The following ANKRD31 variants were observed in gnomAD, a reference collection of about 807,000 sequenced individuals.
The protein encoded by ANKRD31 is ankyrin repeat domain-containing protein 31.
ANKRD31 carries 147 observed loss-of-function variants against 186.0 expected under a neutral mutation model. The observed-to-expected ratio is 0.79, with a 90% confidence interval of 0.69 to 0.91. The LOEUF (loss-of-function observed/expected upper bound fraction) is 0.91, where lower values mean the gene tolerates loss of function less well. Among genes scored for constraint, ANKRD31 ranks in the 40% least tolerant of loss-of-function variants. The pLI is 0.00. For synonymous variants in ANKRD31, 673 were observed against 736.4 expected, an observed-to-expected ratio of 0.91 and a Z score of 1.39; for missense variants, 1,986 against 2,148.8, an observed-to-expected ratio of 0.92 and a Z score of 1.50.
At position 75,138,856 on chromosome 5, in the gene ANKRD31, A is replaced by G. The variant is rs1580413673; in HGVS notation, c.3723T>C (p.Asn1241=). The G allele has an allele frequency of 2.6e-6, 4 of 1,536,032 alleles. No homozygotes were observed. Among genetic ancestry groups the G allele is most frequent in the Non-Finnish European group, 3.5e-6 (4 of 1,146,340 alleles). The change falls in exon 16 of 26, where the codon AAT becomes AAC. Residue 1241 remains asparagine (N), a synonymous_variant. Transcript: ENST00000506364. ...LIESGADVNL[N]DNAGWTPLHE... is the part of the protein sequence containing the mutation. Reference sequence around the variant, plus strand: ...TAAAAGGATCCAAACCTGCATTATCATTTAGATTCACATCTGCTCCAGATT... The same window carrying G: ...TAAAAGGATCCAAACCTGCATTATCGTTTAGATTCACATCTGCTCCAGATT...
intron 9 of ANKRD31, among the ~76,000 whole-genome samples, chr5:75,191,683 A>G (rs1317929947): frequency 2.0e-5 from 3 of 152,100 alleles, no homozygotes; most frequent in African/African-American, 7.2e-5. Context: ...GTCAAGAACA[A>G]GGTTCTTCTT....
At chr5:75,201,623 A>C (rs1307922202) in intron 5 of ANKRD31, among the ~76,000 whole-genome samples, 1 of 152,166 alleles carries the variant, frequency 6.6e-6, no homozygotes, top group Non-Finnish European at 1.5e-5. Context: ...CTTCAAAACT[A>C]TAAAGCAAAA....
rs576559799 is a variant in ANKRD31, at chr5:75,164,884, T to C, written c.1707+4095A>G. Among the ~76,000 whole-genome samples the C allele has an allele frequency of 2.6e-5, 4 of 152,372 alleles. No individual in the cohort carries two copies. In the East Asian group the frequency reaches 7.7e-4, roughly 29 times the overall value. ...TTGTATATGGCTTGTATATGAATTA[T>C]AGATTTAATCGTATCTACCATTGCT... is the stretch of plus-strand genomic sequence containing the variant. On this transcript the variant is annotated intron_variant, in intron 11 of 25. Coordinates refer to ENST00000506364, the MANE Select transcript of ANKRD31 (RefSeq NM_001372053.1).
At chr5:75,204,984 C>T (rs899951832) in intron 5 of ANKRD31, among the ~76,000 whole-genome samples, 3 of 152,174 alleles carry the variant, frequency 2.0e-5, no homozygotes, top group Non-Finnish European at 4.4e-5. Flanking sequence ...GCTGTCCTCC[C>T]GCCTCAGCGC....
chr5:75,134,592 G>A (rs976652395), intron 17 of ANKRD31, among the ~76,000 whole-genome samples: 1 of 152,160 alleles, frequency 6.6e-6, no homozygotes, highest in Non-Finnish European at 1.5e-5. Context: ...GGTACGAAGA[G>A]GAGCTGGTAC....
Position 75,146,177 on chromosome 5 carries a change from AT to A in ANKRD31, c.3233del (p.Asn1078MetfsTer6). ...IDRDQKIIYS[N>X]EPLSIVAHSQ... ...AATGAGCAACTATGGATAAAGGCTC[AT>A]TTGAATAAATTATTTTTTGGTCTCT... On this transcript the variant is annotated frameshift_variant, in exon 14 of 26. Coordinates refer to ENST00000506364, the MANE Select transcript of ANKRD31 (RefSeq NM_001372053.1). LOFTEE classifies it high-confidence loss of function. The A allele has an allele frequency of 1.3e-6, 2 of 1,535,716 alleles. No homozygotes were observed. Among genetic ancestry groups the A allele is most frequent in the South Asian group, 2.4e-5 (2 of 83,930 alleles).
At chr5:75,074,644 A>G (rs1561392374) in intron 25 of ANKRD31, among the ~76,000 whole-genome samples, 2 of 152,130 alleles carry the variant, frequency 1.3e-5, no homozygotes, top group African/African-American at 4.8e-5. Flanking sequence ...CTGGTTGACA[A>G]AATAATCTGT....
At chr5:75,130,940 G>A (rs1194207657) in intron 17 of ANKRD31, among the ~76,000 whole-genome samples, 1 of 152,216 alleles carries the variant, frequency 6.6e-6, no homozygotes, top group East Asian at 1.9e-4. Flanking sequence ...ACAACCAAGA[G>A]GAAAAGAGGG....
chr5:75,086,550 G>A (rs1050185909), intron 23 of ANKRD31, among the ~76,000 whole-genome samples: 4 of 152,170 alleles, frequency 2.6e-5, no homozygotes, highest in African/African-American at 9.7e-5. Context: ...AAGTTCTCAG[G>A]CTTTTGGACA....
At position 75,105,182 on chromosome 5, in the gene ANKRD31, T is replaced by A; in HGVS notation, c.4377A>T (p.Arg1459Ser). The change falls in exon 22 of 26, where the codon AGA (arginine) becomes AGT (serine). Residue 1459 changes from arginine (R) to serine (S), a missense_variant. Physicochemically the swap from Arg to Ser is moderately radical, Grantham distance 110. Coordinates refer to ENST00000506364, the MANE Select transcript of ANKRD31 (RefSeq NM_001372053.1). ...TTGCAGCCAAGTTGGCCAATTGTTCTCTCAGGGCTCCATGCTTAAATGACT... is the reference window on the plus strand; with the variant it reads ...TTGCAGCCAAGTTGGCCAATTGTTCACTCAGGGCTCCATGCTTAAATGACT... ...SIESFKHGAL[R>S]EQLANLAARQ... 6.5e-7 allele frequency: 1 copy of A among 1,533,112 alleles called. No homozygotes were observed. The highest frequency in any genetic ancestry group is 8.7e-7 in the Non-Finnish European group (1 of 1,145,542). The allele number at this position is 1,533,112 out of a possible 1,614,324, so 95.0% of individuals were successfully genotyped here.
chr5:75,169,722 G>A (rs911676271), intron 10 of ANKRD31, among the ~76,000 whole-genome samples: 2 of 152,140 alleles, frequency 1.3e-5, no homozygotes, highest in Non-Finnish European at 2.9e-5. Flanking sequence ...ACAGATGTAA[G>A]AAAACTTTAA....
At chr5:75,095,828 T>C (rs1746277763) in intron 22 of ANKRD31, among the ~76,000 whole-genome samples, 8 of 152,132 alleles carry the variant, frequency 5.3e-5, no homozygotes, top group Admixed American at 5.2e-4. Flanking sequence ...AAAAAAACAG[T>C]ATATACAGGG....
intron 10 of ANKRD31, among the ~76,000 whole-genome samples, chr5:75,184,886 A>T (rs1484964969): frequency 6.6e-6 from 1 of 152,192 alleles, no homozygotes; most frequent in Admixed American, 6.5e-5. Flanking sequence ...TGAAATCAGT[A>T]TGTCAAAGAT....
At chr5:75,098,235 T>C (rs1172118598) in intron 22 of ANKRD31, among the ~76,000 whole-genome samples, 2 of 152,020 alleles carry the variant, frequency 1.3e-5, no homozygotes, top group Non-Finnish European at 2.9e-5. Flanking sequence ...CCTCCACCCA[T>C]CTCGGCCTCC....
intron 25 of ANKRD31, among the ~76,000 whole-genome samples, chr5:75,079,684 C>T (rs1744933346): frequency 6.6e-6 from 1 of 152,146 alleles, no homozygotes. Flanking sequence ...TCATGTTGGC[C>T]AGGCTGGTCT....
At chr5:75,080,977 T>C (rs997326239) in intron 24 of ANKRD31, among the ~76,000 whole-genome samples, 1 of 152,164 alleles carries the variant, frequency 6.6e-6, no homozygotes, top group East Asian at 1.9e-4. Context: ...ATTTCCATGA[T>C]GATATTTCGA....
intron 17 of ANKRD31, among the ~76,000 whole-genome samples, chr5:75,120,149 A>C (rs938327642): frequency 6.6e-6 from 1 of 152,148 alleles, no homozygotes; most frequent in Non-Finnish European, 1.5e-5. Context: ...TAATCCCAGC[A>C]CTTCGGGAGG....
In ANKRD31 at chr5:75,200,802, C is replaced by G. The variant is rs570082521; in HGVS notation, c.404-1128G>C. Among the ~76,000 whole-genome samples, 118 of 151,618 alleles carry G rather than the reference C, an allele frequency of 7.8e-4. 1 individual carries two copies. The highest frequency in any genetic ancestry group is 2.7e-3 in the African/African-American group (112 of 41,346). On this transcript the variant is annotated intron_variant, in intron 5 of 25. Coordinates refer to ENST00000506364, the MANE Select transcript of ANKRD31 (RefSeq NM_001372053.1). ...TGGCACACACCTGTAATCCCAGCTA[C>G]TCGGGAGGCTGAGGCATGAGAATTG...
Position 75,104,559 on chromosome 5 carries a change from A to C in ANKRD31, c.5000T>G (p.Leu1667Arg). ...TCCTCTTTTGGGATCATAATTGGAA[A>C]GGTCCTGATCACAAATAATATTTGA... Reference protein sequence around the residue: ...HPSNIICDQDLSNYDPKRGNR... With the variant: ...HPSNIICDQDRSNYDPKRGNR... The change falls in exon 22 of 26, where the codon CTT (leucine) becomes CGT (arginine). Residue 1667 changes from leucine to arginine, a missense_variant. Transcript: ENST00000506364. The C allele has an allele frequency of 6.5e-7, 1 of 1,536,708 alleles. No individual in the cohort carries two copies. Among genetic ancestry groups the C allele is most frequent in the Admixed American group, 2.0e-5 (1 of 50,946 alleles).
Sources: allele counts gnomAD v4.1 joint callset (sites outside exome capture counted in the v4.1 genomes callset), GRCh38; gene constraint gnomAD v4.1.1; transcripts MANE v1.5; gene names NCBI Gene and HGNC (gene_info 2026-07-23, HGNC 2026-07-21).